Variants in ROBO2 observed in about 807,000 individuals in gnomAD.
ROBO2 encodes the protein roundabout homolog 2.
Under a neutral mutation model 160.8 loss-of-function variants are expected in ROBO2, and 53 were observed. The ratio of observed to expected loss-of-function variants is 0.33; its 90% CI spans 0.26 to 0.41. The LOEUF is 0.41. ROBO2 is among the 10% of genes least tolerant of loss of function. The pLI is 1.00. For missense variants in ROBO2, 1,577 were observed against 1,722.4 expected (o/e 0.92, Z 1.49); for synonymous variants, 664 against 611.7 (o/e 1.09, Z -1.26).
chr3:76,677,249 G>C (rs1224709017), intron 2 of ROBO2, among the ~76,000 whole-genome samples: 1 of 152,092 alleles, frequency 6.6e-6, no homozygotes, highest in Non-Finnish European at 1.5e-5. Flanking sequence ...AGGGAGAGAA[G>C]AAGGAGGAAC....
chr3:76,395,461 A>G lies in ROBO2; in HGVS notation c.109+457859A>G, dbSNP rs1477480838. 2.7e-3 allele frequency among the ~76,000 whole-genome samples: 208 copies of G among 76,840 alleles called. 3 individuals are homozygous for G. Among genetic ancestry groups the G allele is most frequent in the African/African-American group, 0.013 (194 of 14,616 alleles). 50.4% of individuals were successfully genotyped at this position (76,840 alleles called of 152,430 possible). On this transcript the variant is annotated intron_variant, in intron 2 of 26. Coordinates refer to the ROBO2 transcript ENST00000487694. The stretch of plus-strand genomic sequence containing the variant: ...CATATTCAAAAGCTAGCAGAAGGCA[A>G]GAAATAACTAAGAGCAGAACTGAAG...
chr3:76,873,591 TGTC>T (rs1012333323), intron 2 of ROBO2, among the ~76,000 whole-genome samples: 1 of 151,940 alleles, frequency 6.6e-6, no homozygotes, highest in East Asian at 1.9e-4. Flanking sequence ...TCGTCGTCGT[TGTC>T]GTCGTCGTAG....
At chr3:77,632,693 G>T in intron 23 of ROBO2, 1 of 1,500,622 alleles carries the variant, frequency 6.7e-7, no homozygotes, top group Non-Finnish European at 8.9e-7. Context: ...TTGCATGAGA[G>T]AATCTTGTCC....
chr3:76,413,676 A>T (rs917044852), intron 2 of ROBO2, among the ~76,000 whole-genome samples: 1 of 152,078 alleles, frequency 6.6e-6, no homozygotes, highest in Non-Finnish European at 1.5e-5. Context: ...CTCATCCTGG[A>T]CCTTATTGTC....
intron 2 of ROBO2, among the ~76,000 whole-genome samples, chr3:76,591,534 A>G (rs2086417813): frequency 6.6e-6 from 1 of 152,134 alleles, no homozygotes; most frequent in African/African-American, 2.4e-5. Context: ...TTCCTGTCCA[A>G]TAATACAAAC....
intron 2 of ROBO2, among the ~76,000 whole-genome samples, chr3:76,172,333 T>C (rs568981596): frequency 5.2e-4 from 78 of 149,400 alleles, no homozygotes; most frequent in Admixed American, 2.1e-3. Context: ...CTAATGTAAA[T>C]GATGAGTTAA....
chr3:77,397,956 T>G (rs1268971495), intron 2 of ROBO2, among the ~76,000 whole-genome samples: 1 of 152,178 alleles, frequency 6.6e-6, no homozygotes. Flanking sequence ...AGATAATTTT[T>G]AAACCACTAT....
chr3:77,399,631 A>G (rs2075611971), intron 2 of ROBO2, among the ~76,000 whole-genome samples: 1 of 152,088 alleles, frequency 6.6e-6, no homozygotes, highest in Non-Finnish European at 1.5e-5. Flanking sequence ...AAGTAAATTG[A>G]TTTAATTGGT....
At chr3:76,489,673 G>A (rs1354964294) in intron 2 of ROBO2, among the ~76,000 whole-genome samples, 2 of 151,868 alleles carry the variant, frequency 1.3e-5, no homozygotes, top group African/African-American at 4.8e-5. Flanking sequence ...TTGTTACTTT[G>A]AGCAAAATAA....
exon 26 of ROBO2, chr3:77,647,875 T>A (rs1487486817): frequency 1.3e-5 from 2 of 152,176 alleles, no homozygotes; most frequent in Non-Finnish European, 2.9e-5. Flanking sequence ...TTTTGTCACG[T>A]CGTTATAACA....
intron 2 of ROBO2, among the ~76,000 whole-genome samples, chr3:77,356,286 T>G (rs2069112231): frequency 1.3e-5 from 2 of 151,884 alleles, no homozygotes; most frequent in African/African-American, 4.8e-5. Context: ...ATTCTACTGA[T>G]AGCTAAATAA....
intron 1 of ROBO2, among the ~76,000 whole-genome samples, chr3:77,084,758 A>G (rs2069090578): frequency 6.6e-6 from 1 of 152,098 alleles, no homozygotes; most frequent in South Asian, 2.1e-4. Context: ...TTTTTGACAG[A>G]CTCAAGGAAT....
intron 2 of ROBO2, among the ~76,000 whole-genome samples, chr3:76,117,609 C>A (rs1482708222): frequency 6.6e-6 from 1 of 152,080 alleles, no homozygotes; most frequent in African/African-American, 2.4e-5. Flanking sequence ...ATTTTAGAAT[C>A]TGTAGTTGAG....
At chr3:77,351,986 T>C (rs894948285) in intron 2 of ROBO2, among the ~76,000 whole-genome samples, 1 of 151,546 alleles carries the variant, frequency 6.6e-6, no homozygotes, top group African/African-American at 2.4e-5. Flanking sequence ...TTAGGAGATA[T>C]ACCTAATGCT....
intron 2 of ROBO2, among the ~76,000 whole-genome samples, chr3:77,316,256 C>T (rs964421269): frequency 6.6e-6 from 1 of 152,148 alleles, no homozygotes; most frequent in Non-Finnish European, 1.5e-5. Flanking sequence ...CCACACCCTG[C>T]AGACCATTTG....
intron 11 of ROBO2, chr3:77,564,407 CA>C: frequency 2.2e-6 from 1 of 453,902 alleles, no homozygotes; most frequent in Non-Finnish European, 4.4e-6. Flanking sequence ...ACAATGTAAC[CA>C]AGGGAAAATA....
intron 2 of ROBO2, among the ~76,000 whole-genome samples, chr3:77,455,113 A>G (rs1042076840): frequency 1.3e-5 from 2 of 152,224 alleles, no homozygotes; most frequent in African/African-American, 4.8e-5. Context: ...ATGAAACTCT[A>G]ATGCTGACCC....
chr3:76,600,387 G>A (rs1407476616), intron 2 of ROBO2, among the ~76,000 whole-genome samples: 3 of 152,154 alleles, frequency 2.0e-5, no homozygotes, highest in Non-Finnish European at 4.4e-5. Context: ...GTAAGTCTCT[G>A]TGTTAGTTCG....
intron 2 of ROBO2, among the ~76,000 whole-genome samples, chr3:76,573,663 A>G (rs1227698099): frequency 6.6e-6 from 1 of 151,696 alleles, no homozygotes; most frequent in African/African-American, 2.4e-5. Flanking sequence ...TCATCCTGCT[A>G]GTTCCCTTAA....
Sources: gnomAD v4.1 joint callset for allele counts (sites outside exome capture counted in the v4.1 genomes callset) on GRCh38, gnomAD v4.1.1 for gene constraint, MANE v1.5 for transcripts, NCBI Gene and HGNC (gene_info 2026-07-23, HGNC 2026-07-21) for gene names.